Variants in ST6GALNAC2 observed in about 807,000 individuals in gnomAD.
ST6GALNAC2 encodes the protein ST6 N-acetylgalactosaminide alpha-2,6-sialyltransferase 2, also known as alpha-N-acetylgalactosaminide alpha-2,6-sialyltransferase 2.
Under a neutral mutation model 38.7 loss-of-function variants are expected in ST6GALNAC2, and 42 were observed. The observed-to-expected ratio is 1.09, with a 90% CI of 0.85 to 1.40. ST6GALNAC2 has a LOEUF of 1.40. Ranked by LOEUF, ST6GALNAC2 falls within the 40% of genes most tolerant of loss-of-function variation. The probability of loss-of-function intolerance (pLI) is 0.00; values close to 1 mark genes in which losing one functional copy is unlikely to be tolerated. For synonymous variants in ST6GALNAC2, 233 were observed against 209.0 expected (o/e 1.11, Z -0.99); for missense variants, 506 against 481.7 (o/e 1.05, Z -0.47).
chr17:76,574,939 G>A lies in ST6GALNAC2; in HGVS notation c.187-400C>T, dbSNP rs182391557. Among the ~76,000 whole-genome samples, 271 of 152,240 alleles carry A rather than the reference G, an allele frequency of 1.8e-3. 3 individuals are homozygous for A. Among genetic ancestry groups the A allele is most frequent in the East Asian group, 1.7e-3 (9 of 5,168 alleles). The stretch of plus-strand genomic sequence containing the variant: ...GATCCACCCGCCTCGGCCTCCCAAA[G>A]TGCTGGGATTACAGGCGTGAGCCAC... On this transcript the variant is annotated intron_variant, in intron 2 of 8. Transcript: ENST00000225276.
Position 76,565,886 on chromosome 17 carries a change from T to C in ST6GALNAC2, c.*218A>G, listed in dbSNP as rs1253248620. ...GCAGTCCATTTTCCCTTGGCCAAGATTGAGATGTATTGTTTTAGATACAGA... is the reference window on the plus strand; with the variant it reads ...GCAGTCCATTTTCCCTTGGCCAAGACTGAGATGTATTGTTTTAGATACAGA... On this transcript the variant is annotated 3_prime_UTR_variant, in exon 9 of 9. Coordinates refer to ENST00000225276, the MANE Select transcript of ST6GALNAC2 (RefSeq NM_006456.3). 2 of 489,158 alleles carry C rather than the reference T, an allele frequency of 4.1e-6. No individual in the cohort carries two copies. Among genetic ancestry groups the C allele is most frequent in the Admixed American group, 7.5e-5 (2 of 26,700 alleles). 30.3% of individuals were successfully genotyped at this position (489,158 alleles called of 1,614,324 possible).
chr17:76,568,528 C>T (rs1395389213), intron 7 of ST6GALNAC2, 185 bp downstream of exon 7: 2 of 617,634 alleles, frequency 3.2e-6, no homozygotes, highest in Admixed American at 2.8e-5. Context: ...ATCACCCTCC[C>T]TCTATCAAGG....
chr17:76,573,373 C>A lies in ST6GALNAC2; in HGVS notation c.362-10G>T. The A allele has an allele frequency of 6.6e-7, 1 of 1,521,004 alleles. No individual in the cohort carries two copies. Among genetic ancestry groups the A allele is most frequent in the East Asian group, 2.5e-5 (1 of 40,600 alleles). 94.2% of individuals were successfully genotyped at this position (1,521,004 alleles called of 1,614,324 possible). A position where few individuals can be genotyped will look rare whatever the true frequency, so the allele number is the denominator to read the frequency against. On this transcript the variant is annotated splice_polypyrimidine_tract_variant and intron_variant, in intron 3 of 8. Transcript: ENST00000225276. The surrounding 1 kb of genome is among the most constrained non-coding windows in gnomAD (Gnocchi z 5.1). ...AGGGTGGAGGCGATGACTGTGGGTG[C>A]AGATGGGGAGCAGCCATGAGGAGGG...
chr17:76,566,009 G>C lies in ST6GALNAC2; in HGVS notation c.*95C>G, dbSNP rs572845263. The C allele has an allele frequency of 3.1e-3, 4,161 of 1,334,904 alleles. 16 individuals are homozygous for C. The highest frequency in any genetic ancestry group is 3.9e-3 in the Non-Finnish European group (3,825 of 980,228). The allele number at this position is 1,334,904 out of a possible 1,614,324, so 82.7% of individuals were successfully genotyped here. On this transcript the variant is annotated 3_prime_UTR_variant, in exon 9 of 9. Coordinates refer to ENST00000225276, the MANE Select transcript of ST6GALNAC2 (RefSeq NM_006456.3). ...CACCCCAGTGCCCTCTGTTGGCAAG[G>C]GAAGGTGAAGATTGAAAAGTTAAAA... is the stretch of plus-strand genomic sequence containing the variant.
chr17:76,585,172 AG>A (rs1428002769), intron 1 of ST6GALNAC2, among the ~76,000 whole-genome samples: 5 of 152,106 alleles, frequency 3.3e-5, no homozygotes, highest in South Asian at 4.1e-4. Context: ...GCCGGGGAGA[AG>A]GGAGCGGGCG....
intron 1 of ST6GALNAC2, 67 bp downstream of exon 1, chr17:76,585,617 G>A: frequency 6.9e-7 from 1 of 1,441,396 alleles, no homozygotes; most frequent in East Asian, 2.9e-5. Flanking sequence ...GGGAGCCCTG[G>A]GCTGGGGACC....
chr17:76,578,280 G>A (rs1331881373), intron 2 of ST6GALNAC2, among the ~76,000 whole-genome samples: 5 of 152,138 alleles, frequency 3.3e-5, no homozygotes, highest in Non-Finnish European at 7.4e-5. Context: ...CGAGGCTTCC[G>A]TGAGAGAACG....
intron 1 of ST6GALNAC2, among the ~76,000 whole-genome samples, chr17:76,582,428 C>G (rs1187132505): frequency 6.7e-6 from 1 of 148,542 alleles, no homozygotes; most frequent in Non-Finnish European, 1.5e-5. Context: ...CTCAGCCTCC[C>G]AAAGTGCTAG....
At chr17:76,578,839 G>C (rs765886084) in intron 1 of ST6GALNAC2, 23 bp from the exon 2 acceptor site, 3 of 1,609,836 alleles carry the variant, frequency 1.9e-6, no homozygotes, top group Non-Finnish European at 2.5e-6. Flanking sequence ...GCAGAAAAAA[G>C]CAGGGGTCAG....
At chr17:76,583,994 G>A (rs1478334641) in intron 1 of ST6GALNAC2, among the ~76,000 whole-genome samples, 4 of 97,928 alleles carry the variant, frequency 4.1e-5, no homozygotes, top group African/African-American at 1.1e-4. Flanking sequence ...TTTTTTAGTA[G>A]AGACGGGGTT....
At chr17:76,584,774 G>GC (rs945954904) in intron 1 of ST6GALNAC2, among the ~76,000 whole-genome samples, 5 of 152,158 alleles carry the variant, frequency 3.3e-5, no homozygotes, top group Non-Finnish European at 5.9e-5. Flanking sequence ...CATCCCGTTA[G>GC]CCCCCCAGCA....
chr17:76,573,123 C>T lies in ST6GALNAC2; in HGVS notation c.530+72G>A. The T allele has an allele frequency of 1.4e-6, 2 of 1,477,130 alleles. No individual in the cohort carries two copies. The highest frequency in any genetic ancestry group is 1.8e-6 in the Non-Finnish European group (2 of 1,091,112). The allele number at this position is 1,477,130 out of a possible 1,614,324, so 91.5% of individuals were successfully genotyped here. A position where few individuals can be genotyped will look rare whatever the true frequency, so the allele number is the denominator to read the frequency against. On this transcript the variant is annotated intron_variant, in intron 4 of 8. Transcript: ENST00000225276. This position sits in a 1 kb window ranked among gnomAD's most constrained non-coding sequence, Gnocchi z 5.1. ...AGGCCACTGCTGCCATAGCCCACTG[C>T]CCCTGGGGGAGACACCCCCACCCTC... is the stretch of plus-strand genomic sequence containing the variant.
In ST6GALNAC2 at chr17:76,572,770, T is replaced by C. The variant is rs772964799; in HGVS notation, c.536A>G (p.Asn179Ser). 25 of 1,613,986 alleles carry C rather than the reference T, an allele frequency of 1.5e-5. No homozygotes were observed. The Admixed American group carries it at 2.3e-4, about 15-fold the overall frequency. The change falls in exon 5 of 9, where the codon AAT becomes AGT. Residue 179 changes from asparagine (N) to serine (S), a missense_variant. Asn to Ser is a conservative substitution (Grantham distance 46). Coordinates refer to ENST00000225276, the MANE Select transcript of ST6GALNAC2 (RefSeq NM_006456.3). ...IDAHDYVFRLNGAVIKGFERD... is the reference protein window; with the variant it reads ...IDAHDYVFRLSGAVIKGFERD... ...CTCGAAGCCTTTGATCACAGCTCCA[T>C]TGAGTCTGGTTGGCACAGAGGCCCA...
At chr17:76,567,418 G>A (rs767072166) in intron 8 of ST6GALNAC2, 35 bp downstream of exon 8, 29 of 1,475,066 alleles carry the variant, frequency 2.0e-5, no homozygotes, top group Non-Finnish European at 7.6e-6. Context: ...CCTGTGTTCT[G>A]CCGGCATGGG....
chr17:76,566,275 G>C lies in ST6GALNAC2; in HGVS notation c.958-4C>G. ...TGATGAATCCATAGGCACTGACCTGGGCAAGGATAGTCGCTGGATTAGTAT... is the reference window on the plus strand; with the variant it reads ...TGATGAATCCATAGGCACTGACCTGCGCAAGGATAGTCGCTGGATTAGTAT... On this transcript the variant is annotated splice_polypyrimidine_tract_variant and splice_region_variant and intron_variant, in intron 8 of 8. Transcript: ENST00000225276. 6.2e-7 allele frequency: 1 copy of C among 1,614,008 alleles called. No homozygotes were observed.
At chr17:76,581,178 C>G (rs1342539853) in intron 1 of ST6GALNAC2, 2 of 152,166 alleles carry the variant, frequency 1.3e-5, no homozygotes, top group African/African-American at 4.8e-5. Flanking sequence ...GAGGGACGGC[C>G]CAGAAAGAGC....
At position 76,573,218 on chromosome 17, in the gene ST6GALNAC2, G is replaced by A. The variant is rs369211103; in HGVS notation, c.507C>T (p.Ile169=). The change falls in exon 4 of 9, where the codon ATC becomes ATT. Residue 169 remains isoleucine (I), a synonymous_variant. Transcript: ENST00000225276. This position sits in a 1 kb window ranked among gnomAD's most constrained non-coding sequence, Gnocchi z 5.1. ...ACCTGAATACATAGTCATGGGCATC[G>A]ATGTTGGGACCCTGGCGGGACCCAT... is the stretch of plus-strand genomic sequence containing the variant. ...ILNGSRQGPN[I]DAHDYVFRLN... is the part of the protein sequence containing the mutation. 6.8e-6 allele frequency: 11 copies of A among 1,613,076 alleles called. No homozygotes were observed. The highest frequency in any genetic ancestry group is 2.2e-5 in the South Asian group (2 of 90,956).
At chr17:76,577,613 T>G (rs1195183370) in intron 2 of ST6GALNAC2, among the ~76,000 whole-genome samples, 1 of 149,136 alleles carries the variant, frequency 6.7e-6, no homozygotes, top group East Asian at 2.0e-4. Context: ...TTTCGCTCTG[T>G]CACTCACGGT....
In ST6GALNAC2 at chr17:76,567,571, A is replaced by G. The variant is rs2241918; in HGVS notation, c.858-19T>C. ...CAAGAACCTGGAAGCAAAAAGAGAC[A>G]TTTCAGCTCACTAGCTTGATGGCTA... is the stretch of plus-strand genomic sequence containing the variant. On this transcript the variant is annotated intron_variant, in intron 7 of 8. Transcript: ENST00000225276. 0.78 allele frequency: 1,207,310 copies of G among 1,548,534 alleles called. 472,940 individuals carry two copies. The highest frequency in any genetic ancestry group is 0.86 in the East Asian group (38,511 of 44,548).
Sources: allele counts gnomAD v4.1 joint callset (sites outside exome capture counted in the v4.1 genomes callset), GRCh38; gene constraint gnomAD v4.1.1; non-coding constraint Gnocchi (gnomAD v3.1); transcripts MANE v1.5; gene names NCBI Gene and HGNC (gene_info 2026-07-23, HGNC 2026-07-21).